Variants in CD84 observed in about 807,000 individuals in gnomAD.
CD84 encodes SLAM family member 5.
Under a neutral mutation model 33.8 loss-of-function variants are expected in CD84, and 22 were observed. That is an observed-to-expected ratio of 0.65 (90% CI 0.46 to 0.93). The LOEUF is 0.93. Among genes scored for constraint, CD84 ranks in the 40% least tolerant of loss-of-function variants. The pLI, the probability that CD84 is intolerant of heterozygous loss-of-function variation, is 0.00. For synonymous variants in CD84, 154 were observed against 145.2 expected (o/e 1.06, Z -0.44); for missense variants, 400 against 397.6 (o/e 1.01, Z -0.05).
rs1385615483 is a variant in CD84, at chr1:160,543,567, C to T, written c.*4689G>A. 6.6e-6 allele frequency: 1 copy of T among 150,974 alleles called. No individual in the cohort carries two copies. The highest frequency in any genetic ancestry group is 1.5e-5 in the Non-Finnish European group (1 of 67,804). The allele number at this position is 150,974 out of a possible 1,614,324, so 9.4% of individuals were successfully genotyped here. On this transcript the variant is annotated 3_prime_UTR_variant, in exon 7 of 7. Coordinates refer to ENST00000368054, the MANE Select transcript of CD84 (RefSeq NM_003874.4). The stretch of plus-strand genomic sequence containing the variant: ...CAAAATAAGCCCTCAATGATTCTTA[C>T]AGGCTCCCTATCTTCAAGGAGCTCT...
At chr1:160,569,545 C>T (rs537674169) in intron 1 of CD84, among the ~76,000 whole-genome samples, 78 of 150,414 alleles carry the variant, frequency 5.2e-4, no homozygotes, top group African/African-American at 1.8e-3. Context: ...CACACACGCA[C>T]GCACGCACGC....
chr1:160,569,859 A>G (rs2102195764), intron 1 of CD84, among the ~76,000 whole-genome samples: 1 of 152,338 alleles, frequency 6.6e-6, no homozygotes. Flanking sequence ...GGGGAGAGGT[A>G]CAGCTGGAGA....
Position 160,548,406 on chromosome 1 carries a change from G to A in CD84, c.922-85C>T, listed in dbSNP as rs1207841028. On this transcript the variant is annotated intron_variant, in intron 6 of 6. Transcript: ENST00000368054. ...TCCTGCAAGTTCCCAGAGGAGTTAA[G>A]CAAATGGCACGGGGGAATGCCTTAG... 28 of 1,388,480 alleles carry A rather than the reference G, an allele frequency of 2.0e-5. No individual in the cohort carries two copies. The East Asian group carries it at 3.7e-4, about 18-fold the overall frequency. The allele number at this position is 1,388,480 out of a possible 1,614,324, so 86.0% of individuals were successfully genotyped here. A position where few individuals can be genotyped will look rare whatever the true frequency, so the allele number is the denominator to read the frequency against.
chr1:160,561,064 T>C (rs955392424), intron 2 of CD84, among the ~76,000 whole-genome samples: 4 of 152,112 alleles, frequency 2.6e-5, no homozygotes, highest in Non-Finnish European at 4.4e-5. Flanking sequence ...CCAGACAGAT[T>C]CACAGCTGAG....
chr1:160,562,847 T>C (rs1439218447), intron 2 of CD84, among the ~76,000 whole-genome samples: 1 of 150,096 alleles, frequency 6.7e-6, no homozygotes. Flanking sequence ...ATATCCAGAG[T>C]CCACAAGGAA....
At position 160,554,740 on chromosome 1, in the gene CD84, T is replaced by G. The variant is rs535204397; in HGVS notation, c.389-594A>C. On this transcript the variant is annotated intron_variant, in intron 2 of 6. Transcript: ENST00000368054. ...AATCACTTTTTTCTTATTATTTAAC[T>G]GAAATGAAAATATCAACCGATGTTT... Among the ~76,000 whole-genome samples the G allele has an allele frequency of 2.6e-5, 4 of 152,200 alleles. No individual in the cohort carries two copies. In the South Asian group the frequency reaches 8.3e-4, roughly 31 times the overall value.
At chr1:160,567,262 C>CA (rs1490239784) in intron 1 of CD84, among the ~76,000 whole-genome samples, 1 of 152,014 alleles carries the variant, frequency 6.6e-6, no homozygotes, top group Non-Finnish European at 1.5e-5. Flanking sequence ...GAAAGTGGCA[C>CA]AAAAAAAGCG....
intron 1 of CD84, among the ~76,000 whole-genome samples, chr1:160,572,697 A>T (rs2102204124): frequency 6.6e-6 from 1 of 152,282 alleles, no homozygotes; most frequent in Admixed American, 6.5e-5. Flanking sequence ...CCACATTTAC[A>T]ACCTTTTCCA....
At chr1:160,548,490 C>T (rs1655969875) in intron 6 of CD84, among the ~76,000 whole-genome samples, 169 bp from the exon 7 acceptor site, 1 of 152,106 alleles carries the variant, frequency 6.6e-6, no homozygotes, top group South Asian at 2.1e-4. Flanking sequence ...CTGAGTCCCT[C>T]ATGTCTGCTC....
intron 2 of CD84, among the ~76,000 whole-genome samples, chr1:160,554,497 G>A (rs1442474590): frequency 3.3e-5 from 5 of 152,206 alleles, no homozygotes; most frequent in South Asian, 4.2e-4. Flanking sequence ...GCTAGGACTC[G>A]ATTTACTGTT....
In CD84 at chr1:160,577,379, G is replaced by T. The variant is rs114274520; in HGVS notation, c.46+2013C>A. 8.5e-3 allele frequency among the ~76,000 whole-genome samples: 1,294 copies of T among 152,208 alleles called. 4 individuals carry two copies. The highest frequency in any genetic ancestry group is 0.02 in the Middle Eastern group (6 of 294). On this transcript the variant is annotated intron_variant, in intron 1 of 6. Coordinates refer to ENST00000368054, the MANE Select transcript of CD84 (RefSeq NM_003874.4). ...ATGGTATATTTTTGTGCTCAGAAAA[G>T]GTTTGCAGAATAATCCTTAAGAGGC...
chr1:160,547,007 A>G lies in CD84; in HGVS notation c.*1249T>C. The G allele has an allele frequency of 2.5e-6, 1 of 397,390 alleles. No homozygotes were observed. The highest frequency in any genetic ancestry group is 4.4e-6 in the Non-Finnish European group (1 of 225,548). The allele number at this position is 397,390 out of a possible 1,614,324, so 24.6% of individuals were successfully genotyped here. On this transcript the variant is annotated 3_prime_UTR_variant, in exon 7 of 7. Transcript: ENST00000368054. Reference sequence around the variant, plus strand: ...ATTGGGATTTAGGAGTTAGCCGATTATACTTGCTAACACATAAGGGAAACA... The same window carrying G: ...ATTGGGATTTAGGAGTTAGCCGATTGTACTTGCTAACACATAAGGGAAACA...
intron 1 of CD84, among the ~76,000 whole-genome samples, chr1:160,577,772 T>C (rs1358637522): frequency 6.6e-6 from 1 of 152,198 alleles, no homozygotes; most frequent in African/African-American, 2.4e-5. Flanking sequence ...TTATCATCAT[T>C]TTGATTCTCA....
intron 2 of CD84, among the ~76,000 whole-genome samples, chr1:160,558,129 GC>G (rs1392803804): frequency 6.6e-6 from 1 of 152,170 alleles, no homozygotes. Flanking sequence ...CTATCAAAAA[GC>G]AACCAGACTG....
chr1:160,578,606 T>C (rs546461176), intron 1 of CD84, among the ~76,000 whole-genome samples: 1 of 152,288 alleles, frequency 6.6e-6, no homozygotes, highest in East Asian at 1.9e-4. Flanking sequence ...GTTCCAAACA[T>C]AGTAAATTTC....
At chr1:160,561,419 G>A (rs1447486601) in intron 2 of CD84, among the ~76,000 whole-genome samples, 1 of 152,012 alleles carries the variant, frequency 6.6e-6, no homozygotes, top group Non-Finnish European at 1.5e-5. Context: ...AAAACCCACA[G>A]ATCATCTCAA....
intron 1 of CD84, among the ~76,000 whole-genome samples, chr1:160,573,780 G>GCTA (rs1186954283): frequency 1.3e-5 from 2 of 152,002 alleles, no homozygotes; most frequent in African/African-American, 4.8e-5. Flanking sequence ...TCAATACACT[G>GCTA]CTACTATAAT....
chr1:160,544,783 A>G lies in CD84; in HGVS notation c.*3473T>C, dbSNP rs1232349691. ...TCTTCTAAGAATCATGAGCTGCAACATTCCTCATTTTCTCAGTTGAGTCCC... is the reference window on the plus strand; with the variant it reads ...TCTTCTAAGAATCATGAGCTGCAACGTTCCTCATTTTCTCAGTTGAGTCCC... On this transcript the variant is annotated 3_prime_UTR_variant, in exon 7 of 7. Coordinates refer to ENST00000368054, the MANE Select transcript of CD84 (RefSeq NM_003874.4). 3 of 152,236 alleles carry G rather than the reference A, an allele frequency of 2.0e-5. No homozygotes were observed. Among genetic ancestry groups the G allele is most frequent in the African/African-American group, 7.2e-5 (3 of 41,450 alleles). 9.4% of individuals were successfully genotyped at this position (152,236 alleles called of 1,614,324 possible). A position where few individuals can be genotyped will look rare whatever the true frequency, so the allele number is the denominator to read the frequency against.
chr1:160,566,763 G>A (rs554869463), intron 1 of CD84, among the ~76,000 whole-genome samples: 2 of 152,214 alleles, frequency 1.3e-5, no homozygotes, highest in South Asian at 4.1e-4. Context: ...ATCTGTTCTG[G>A]GAATCGAGGG....
Sources: gnomAD v4.1 joint callset for allele counts (sites outside exome capture counted in the v4.1 genomes callset) on GRCh38, gnomAD v4.1.1 for gene constraint, MANE v1.5 for transcripts, NCBI Gene and HGNC (gene_info 2026-07-23, HGNC 2026-07-21) for gene names.